FSTL5: variants seen among roughly 807,000 people sequenced by gnomAD.
FSTL5 encodes follistatin-related protein 5.
A neutral mutation model predicts 89.1 loss-of-function variants in FSTL5; 62 were observed. That is an observed-to-expected ratio of 0.70 (90% CI 0.57 to 0.86). The LOEUF is 0.86. Among genes scored for constraint, FSTL5 ranks in the 40% least tolerant of loss-of-function variants. The pLI is 0.00. For synonymous variants in FSTL5, 383 were observed against 346.2 expected, an observed-to-expected ratio of 1.11 and a Z score of -1.18; for missense variants, 1,057 against 1,001.6, an observed-to-expected ratio of 1.06 and a Z score of -0.75.
rs763301636 is a variant in FSTL5 at position 161,538,285 on chromosome 4, A to C, written c.1193T>G (p.Val398Gly). The C allele has an allele frequency of 2.5e-6, 4 of 1,613,924 alleles. No individual in the cohort carries two copies. In the South Asian group the frequency reaches 4.4e-5, roughly 18 times the overall value. The change falls in exon 10 of 16, where the codon GTT (valine) becomes GGT (glycine). Residue 398 changes from valine (V) to glycine (G), a missense_variant. Val to Gly is a moderately radical substitution (Grantham distance 109). This residue lies in a region of FSTL5 where 980 missense variants were observed against 903.2 expected (regional missense o/e 1.08). Transcript: ENST00000306100. The part of the protein sequence containing the change: ...QLTLQANGSE[V>G]HISNVRYEDT... ...TTCATAGCGCACATTGCTTATGTGA[A>C]CCTCACTGCCATTTGCTGAAAAAAG...
chr4:161,931,865 T>A (rs1734295153), intron 3 of FSTL5, among the ~76,000 whole-genome samples: 1 of 151,914 alleles, frequency 6.6e-6, no homozygotes. Context: ...ATTTTTAGTA[T>A]AAAGAAGATA....
chr4:161,537,001 C>A (rs1181895335), intron 10 of FSTL5, among the ~76,000 whole-genome samples: 1 of 152,002 alleles, frequency 6.6e-6, no homozygotes, highest in East Asian at 1.9e-4. Context: ...CCATTAAATC[C>A]AGCTTTTTTT....
intron 4 of FSTL5, among the ~76,000 whole-genome samples, chr4:161,794,868 C>T (rs1040603676): frequency 6.6e-6 from 1 of 152,048 alleles, no homozygotes; most frequent in Non-Finnish European, 1.5e-5. Flanking sequence ...TCTCTAATCT[C>T]TCATCATATG....
chr4:162,019,884 AT>A (rs1737022655), intron 3 of FSTL5, among the ~76,000 whole-genome samples: 1 of 149,612 alleles, frequency 6.7e-6, no homozygotes, highest in Non-Finnish European at 1.5e-5. Flanking sequence ...ATATGCATTT[AT>A]TTTTATAATA....
rs144818955 is a variant in FSTL5 at position 161,679,432 on chromosome 4, G to A, written c.728-22938C>T. The stretch of plus-strand genomic sequence containing the variant: ...AATCTGAAGCAGGAAAAAAAAGTAT[G>A]TAACTTACCTAAGGTCACATAACTA... On this transcript the variant is annotated intron_variant, in intron 6 of 15. Coordinates refer to ENST00000306100, the MANE Select transcript of FSTL5 (RefSeq NM_020116.5). 4.3e-3 allele frequency among the ~76,000 whole-genome samples: 658 copies of A among 151,788 alleles called. 2 individuals are homozygous for A. The highest frequency in any genetic ancestry group is 0.015 in the African/African-American group (628 of 41,488).
intron 1 of FSTL5, among the ~76,000 whole-genome samples, chr4:162,132,465 A>T (rs775714263): frequency 1.3e-5 from 2 of 152,154 alleles, no homozygotes; most frequent in African/African-American, 2.4e-5. Context: ...CTCCGAACAC[A>T]TCGGAACATC....
intron 15 of FSTL5, among the ~76,000 whole-genome samples, chr4:161,439,005 G>C (rs1732670953): frequency 6.6e-6 from 1 of 151,522 alleles, no homozygotes; most frequent in Admixed American, 6.6e-5. Flanking sequence ...GACAATCTTA[G>C]ATGATACTGA....
intron 2 of FSTL5, among the ~76,000 whole-genome samples, chr4:162,081,722 T>C (rs886270384): frequency 6.6e-6 from 1 of 151,532 alleles, no homozygotes; most frequent in African/African-American, 2.4e-5. Flanking sequence ...TGACACCCTG[T>C]CCATAGATAT....
intron 4 of FSTL5, among the ~76,000 whole-genome samples, chr4:161,880,391 C>G (rs1236438132): frequency 6.6e-6 from 1 of 151,938 alleles, no homozygotes; most frequent in Non-Finnish European, 1.5e-5. Flanking sequence ...GTTCTGTCTA[C>G]ATAATATTTG....
rs1730563766 is a variant in FSTL5 at position 161,385,014 on chromosome 4, T to C, written c.*733A>G. 6.6e-6 allele frequency: 1 copy of C among 152,156 alleles called. No individual in the cohort carries two copies. The highest frequency in any genetic ancestry group is 6.6e-5 in the Admixed American group (1 of 15,262). The allele number at this position is 152,156 out of a possible 1,614,324, so 9.4% of individuals were successfully genotyped here. A position where few individuals can be genotyped will look rare whatever the true frequency, so the allele number is the denominator to read the frequency against. ...AATGAGTAGATAGATTGCAAATATT[T>C]TGACTGTAATTATTTTTCCTCCCTT... On this transcript the variant is annotated 3_prime_UTR_variant, in exon 16 of 16. Coordinates refer to ENST00000306100, the MANE Select transcript of FSTL5 (RefSeq NM_020116.5).
At chr4:161,708,144 G>C (rs1310562485) in intron 6 of FSTL5, among the ~76,000 whole-genome samples, 2 of 151,992 alleles carry the variant, frequency 1.3e-5, no homozygotes, top group Admixed American at 6.6e-5. Context: ...CCCTAAATAA[G>C]AGGCAAATAA....
intron 5 of FSTL5, among the ~76,000 whole-genome samples, chr4:161,772,545 C>T (rs531676381): frequency 1.1e-4 from 17 of 152,096 alleles, no homozygotes; most frequent in Non-Finnish European, 2.4e-4. Flanking sequence ...CTCTGCTATA[C>T]ACCACCAGCA....
At chr4:161,807,228 C>CACACACACACAT (rs1415201641) in intron 4 of FSTL5, among the ~76,000 whole-genome samples, 3 of 140,568 alleles carry the variant, frequency 2.1e-5, no homozygotes, top group African/African-American at 5.1e-5. Flanking sequence ...CACACACACA[C>CACACACACACAT]ATATATATTT....
At chr4:161,851,990 A>T (rs1731568745) in intron 4 of FSTL5, among the ~76,000 whole-genome samples, 1 of 152,056 alleles carries the variant, frequency 6.6e-6, no homozygotes, top group South Asian at 2.1e-4. Flanking sequence ...TCTTCATGAC[A>T]GTTTGGTTGC....
At chr4:161,644,622 A>C (rs936483798) in intron 7 of FSTL5, among the ~76,000 whole-genome samples, 6 of 152,208 alleles carry the variant, frequency 3.9e-5, no homozygotes, top group African/African-American at 1.4e-4. Flanking sequence ...ATGGGAGAAT[A>C]GTAGGAAGAA....
In FSTL5 at chr4:161,609,886, C is replaced by T. The variant is rs78317786; in HGVS notation, c.895-22311G>A. ...AGACTGTTTGCTACACATATATTCT[C>T]GTAAATATGGTCCAGAACTAAAACT... On this transcript the variant is annotated intron_variant, in intron 7 of 15. Coordinates refer to ENST00000306100, the MANE Select transcript of FSTL5 (RefSeq NM_020116.5). Among the ~76,000 whole-genome samples the T allele has an allele frequency of 6.2e-3, 950 of 152,118 alleles. 7 individuals carry two copies. The highest frequency in any genetic ancestry group is 0.021 in the African/African-American group (861 of 41,514).
intron 2 of FSTL5, among the ~76,000 whole-genome samples, chr4:162,100,915 A>G (rs76873731): frequency 0.14 from 20,740 of 152,248 alleles, 1,959 homozygotes; most frequent in Non-Finnish European, 0.19. Flanking sequence ...GGCATTTCTG[A>G]TAACATACGA....
rs1167581624 is a variant in FSTL5 at position 162,163,450 on chromosome 4, TAA to T, written c.-17+163_-17+164del. Among the ~76,000 whole-genome samples, 581 of 140,240 alleles carry T rather than the reference TAA, an allele frequency of 4.1e-3. 2 individuals are homozygous for T. Among genetic ancestry groups the T allele is most frequent in the African/African-American group, 0.013 (466 of 36,492 alleles). 92.0% of individuals were successfully genotyped at this position (140,240 alleles called of 152,430 possible). On this transcript the variant is annotated intron_variant, in intron 1 of 15. Coordinates refer to ENST00000306100, the MANE Select transcript of FSTL5 (RefSeq NM_020116.5). Reference sequence around the variant, plus strand: ...ACAGATTGTCTTGTAATAATAATAATAATAATAATAATAATAATAGTAATTAT... The same window carrying T: ...ACAGATTGTCTTGTAATAATAATAATTAATAATAATAATAATAGTAATTAT...
At chr4:161,476,614 C>T (rs186656972) in intron 13 of FSTL5, among the ~76,000 whole-genome samples, 2 of 152,158 alleles carry the variant, frequency 1.3e-5, no homozygotes, top group Non-Finnish European at 2.9e-5. Flanking sequence ...TTTCTCTGGG[C>T]ACCAACTGGT....
Sources: gnomAD v4.1 joint callset for allele counts (sites outside exome capture counted in the v4.1 genomes callset) on GRCh38, gnomAD v4.1.1 for gene constraint, gnomAD v4.1.1 regional missense constraint, MANE v1.5 for transcripts, NCBI Gene and HGNC (gene_info 2026-07-23, HGNC 2026-07-21) for gene names.